Variants in SMARCA2 observed in about 807,000 individuals in gnomAD.
SMARCA2 encodes SWI/SNF related BAF chromatin remodeling complex subunit ATPase 2, also known as SWI/SNF-related matrix-associated actin-dependent regulator of chromatin subfamily A member 2.
Under a neutral mutation model 199.8 loss-of-function variants are expected in SMARCA2, and 61 were observed. The ratio of observed to expected loss-of-function variants is 0.31; its 90% CI spans 0.25 to 0.38. The LOEUF (loss-of-function observed/expected upper bound fraction) is 0.38. Among genes scored for constraint, SMARCA2 ranks in the 10% least tolerant of loss-of-function variants. The pLI is 1.00. For missense variants in SMARCA2, 1,344 were observed against 2,012.2 expected (o/e 0.67, Z 6.35); for synonymous variants, 935 against 732.0 (o/e 1.28, Z -4.48).
At chr9:2,174,710 C>T (rs147932311) in intron 29 of SMARCA2, among the ~76,000 whole-genome samples, 1 of 152,092 alleles carries the variant, frequency 6.6e-6, no homozygotes, top group African/African-American at 2.4e-5. Flanking sequence ...TGCTTCAGCT[C>T]AGGAGTCCGA....
intron 8 of SMARCA2, 38 bp downstream of exon 8, chr9:2,058,502 AC>A: frequency 6.4e-7 from 1 of 1,568,306 alleles, no homozygotes; most frequent in Non-Finnish European, 8.8e-7. Flanking sequence ...AAACTACTCA[AC>A]CCACGTCCGT....
intron 31 of SMARCA2, 21 bp from the exon 32 acceptor site, chr9:2,186,075 G>A: frequency 6.2e-7 from 1 of 1,611,446 alleles, no homozygotes; most frequent in Non-Finnish European, 8.5e-7. Context: ...AGTTTTAACA[G>A]ATGCCCCTTT....
At chr9:2,109,156 T>C (rs16937429) in intron 23 of SMARCA2, among the ~76,000 whole-genome samples, 566 of 152,338 alleles carry the variant, frequency 3.7e-3, no homozygotes, top group Admixed American at 0.011. Flanking sequence ...CTGAAATAAA[T>C]TGCTGGTATG....
chr9:2,114,222 C>T (rs970835208), intron 24 of SMARCA2, among the ~76,000 whole-genome samples: 1 of 152,230 alleles, frequency 6.6e-6, no homozygotes, highest in Non-Finnish European at 1.5e-5. Flanking sequence ...ATCCACCTTA[C>T]ATTCTCCTCT....
chr9:2,104,310 G>C lies in SMARCA2; in HGVS notation c.3292+141G>C, dbSNP rs747969260. On this transcript the variant is annotated intron_variant, in intron 23 of 33. Coordinates refer to ENST00000349721, the MANE Select transcript of SMARCA2 (RefSeq NM_003070.5). This position sits in a 1 kb window ranked among gnomAD's most constrained non-coding sequence, Gnocchi z 4.0. ...GCATTGGGAGCAGTTTTTCTAGATA[G>C]CAATTTTTTGCATCCTTAAGCTTTA... 2.0e-5 allele frequency: 14 copies of C among 689,112 alleles called. No individual in the cohort carries two copies. Among genetic ancestry groups the C allele is most frequent in the Non-Finnish European group, 3.1e-5 (13 of 423,238 alleles). The allele number at this position is 689,112 out of a possible 1,614,324, so 42.7% of individuals were successfully genotyped here.
At chr9:2,100,327 G>T (rs933255237) in intron 21 of SMARCA2, among the ~76,000 whole-genome samples, 1 of 152,224 alleles carries the variant, frequency 6.6e-6, no homozygotes, top group Non-Finnish European at 1.5e-5. Context: ...TCTGAAAACA[G>T]AAGCTGGACA....
chr9:2,045,139 A>T (rs1358232820), intron 4 of SMARCA2: 2 of 152,232 alleles, frequency 1.3e-5, no homozygotes, highest in African/African-American at 4.8e-5. Context: ...GCTTTTGTTG[A>T]TGAATTATTT....
chr9:2,044,758 C>A (rs1299850206), intron 4 of SMARCA2: 2 of 152,170 alleles, frequency 1.3e-5, no homozygotes, highest in African/African-American at 4.8e-5. Context: ...TTTAAAGGTA[C>A]CTGTTTAGTG....
intron 1 of SMARCA2, among the ~76,000 whole-genome samples, chr9:2,021,370 C>G (rs1818593066): frequency 6.6e-6 from 1 of 152,108 alleles, no homozygotes; most frequent in South Asian, 2.1e-4. Context: ...AAATCTCTAA[C>G]CAAAAAGGAA....
Position 2,186,167 on chromosome 9 carries a change from G to C in SMARCA2, c.4533G>C (p.Glu1511Asp). The C allele has an allele frequency of 6.2e-7, 1 of 1,614,084 alleles. No individual in the cohort carries two copies. The highest frequency in any genetic ancestry group is 1.1e-5 in the South Asian group (1 of 91,070). ...SARQKIAKEE[E>D]SEDESNEEEE... ...GGCAGAAAATTGCCAAAGAGGAAGA[G>C]AGTGAGGATGAAAGCAATGAAGAGG... The change falls in exon 32 of 34, where the codon GAG becomes GAC. Residue 1511 changes from glutamate (E) to aspartate (D), a missense_variant. Around this residue, in one of 18 missense-constraint regions of SMARCA2, gnomAD observed 155 missense variants for 121.1 expected, o/e 1.28. Coordinates refer to ENST00000349721, the MANE Select transcript of SMARCA2 (RefSeq NM_003070.5).
At chr9:2,081,395 T>C (rs1821561165) in intron 14 of SMARCA2, among the ~76,000 whole-genome samples, 1 of 152,208 alleles carries the variant, frequency 6.6e-6, no homozygotes, top group Admixed American at 6.5e-5. Context: ...CCCTGGTCAG[T>C]CCGCCTTTTC....
intron 28 of SMARCA2, among the ~76,000 whole-genome samples, chr9:2,164,442 C>T (rs1182216505): frequency 1.3e-5 from 2 of 152,214 alleles, no homozygotes; most frequent in East Asian, 1.9e-4. Context: ...GCCTCAGTTT[C>T]CCCATCCCAG....
intron 28 of SMARCA2, among the ~76,000 whole-genome samples, chr9:2,168,858 C>G (rs1181982157): frequency 6.6e-6 from 1 of 152,122 alleles, no homozygotes; most frequent in African/African-American, 2.4e-5. Flanking sequence ...TTGTTCAGAA[C>G]CCACTGAGTT....
chr9:2,140,707 A>G (rs1824419578), intron 27 of SMARCA2, among the ~76,000 whole-genome samples: 1 of 152,240 alleles, frequency 6.6e-6, no homozygotes, highest in African/African-American at 2.4e-5. Context: ...GAAGGAGCCA[A>G]GAAAAATCAT....
chr9:2,169,745 G>A lies in SMARCA2; in HGVS notation c.4200-674G>A, dbSNP rs1271909785. ...AGCTGCTTCCCTGCCACCACAAAAA[G>A]GGACACCAACCTAGCAGTTTCAAAA... On this transcript the variant is annotated intron_variant, in intron 28 of 33. Transcript: ENST00000349721. This position sits in a 1 kb window ranked among gnomAD's most constrained non-coding sequence, Gnocchi z 6.5. Among the ~76,000 whole-genome samples, 2 of 152,132 alleles carry A rather than the reference G, an allele frequency of 1.3e-5. No individual in the cohort carries two copies. Among genetic ancestry groups the A allele is most frequent in the East Asian group, 3.9e-4 (2 of 5,190 alleles).
chr9:2,132,200 A>C (rs1296590200), intron 27 of SMARCA2, among the ~76,000 whole-genome samples: 1 of 152,202 alleles, frequency 6.6e-6, no homozygotes, highest in African/African-American at 2.4e-5. Context: ...AAGACATTTG[A>C]AATTCTATGG....
chr9:2,038,144 G>A (rs1354351152), intron 3 of SMARCA2, among the ~76,000 whole-genome samples: 1 of 152,112 alleles, frequency 6.6e-6, no homozygotes, highest in Non-Finnish European at 1.5e-5. Context: ...AACCAAATTT[G>A]TATTAGATCA....
chr9:2,157,664 C>T (rs977595480), intron 27 of SMARCA2: 26 of 379,256 alleles, frequency 6.9e-5, no homozygotes, highest in Admixed American at 4.5e-4. Flanking sequence ...AGGACTGTGC[C>T]ACATGGCTTG....
chr9:2,160,873 G>C, intron 27 of SMARCA2: 1 of 334,170 alleles, frequency 3.0e-6, no homozygotes, highest in Admixed American at 4.7e-5. Context: ...TGAGTTTTGA[G>C]ATTTACCAGG....
Sources: gnomAD v4.1 joint callset for allele counts (sites outside exome capture counted in the v4.1 genomes callset) on GRCh38, gnomAD v4.1.1 for gene constraint, gnomAD v4.1.1 regional missense constraint, Gnocchi (gnomAD v3.1) non-coding constraint, MANE v1.5 for transcripts, NCBI Gene and HGNC (gene_info 2026-07-23, HGNC 2026-07-21) for gene names.